Variants in WDR35 observed in about 807,000 individuals in gnomAD.
WDR35 encodes WD repeat domain 35.
In WDR35, 118 loss-of-function variants were observed where a neutral mutation model predicts 158.3. That is an observed-to-expected ratio of 0.75 (90% CI 0.64 to 0.87). The LOEUF (loss-of-function observed/expected upper bound fraction) is 0.87, where lower values mean the gene tolerates loss of function less well. WDR35 is among the 40% of genes least tolerant of loss of function. The pLI is 0.00. For synonymous variants in WDR35, 448 were observed against 476.1 expected (o/e 0.94, Z 0.77); for missense variants, 1,263 against 1,405.8 (o/e 0.90, Z 1.62).
intron 25 of WDR35, among the ~76,000 whole-genome samples, chr2:19,924,293 A>G (rs1391245545): frequency 6.6e-6 from 1 of 152,152 alleles, no homozygotes. Flanking sequence ...GGCCGGGTGC[A>G]GTGGCTCATG....
intron 11 of WDR35, among the ~76,000 whole-genome samples, chr2:19,956,331 T>C (rs1671430662): frequency 6.6e-6 from 1 of 152,230 alleles, no homozygotes; most frequent in Non-Finnish European, 1.5e-5. Flanking sequence ...TGATAGATCC[T>C]AAATACTCAC....
Position 19,962,444 on chromosome 2 carries a change from T to C in WDR35, c.1195-1830A>G, listed in dbSNP as rs2103438358. On this transcript the variant is annotated intron_variant, in intron 10 of 26. Transcript: ENST00000281405. ...TACAAATAATCATCAATGACCAATA[T>C]TAGGAAAATAATCAAACGTAATGCA... 19 of 964,430 alleles carry C rather than the reference T, an allele frequency of 2.0e-5. 1 individual carries two copies. In the South Asian group the frequency reaches 2.4e-4, roughly 12 times the overall value. The allele number at this position is 964,430 out of a possible 1,614,324, so 59.7% of individuals were successfully genotyped here. A position where few individuals can be genotyped will look rare whatever the true frequency, so the allele number is the denominator to read the frequency against.
chr2:19,985,183 A>G (rs1672514332), intron 2 of WDR35, among the ~76,000 whole-genome samples: 1 of 152,172 alleles, frequency 6.6e-6, no homozygotes, highest in African/African-American at 2.4e-5. Context: ...GTTGGCTTCC[A>G]GGGCTCTCTA....
rs1670746088 is a variant in WDR35, at chr2:19,937,767, C to G, written c.2243G>C (p.Arg748Thr). ...CCTTCTGTCCATCTCGAGATACGTT[C>G]TTTCAGCCTCTTCAAACCTGCCGAA... ...GYFGRFEEAERTYLEMDRRDL... is the reference protein window; with the variant it reads ...GYFGRFEEAETTYLEMDRRDL... Residue 748 changes from arginine (R) to threonine (T), a missense_variant, in exon 19 of 27, where the codon AGA (arginine) becomes ACA (threonine). Coordinates refer to ENST00000281405, the MANE Select transcript of WDR35 (RefSeq NM_020779.4). 1 of 1,614,148 alleles carries G rather than the reference C, an allele frequency of 6.2e-7. No homozygotes were observed. The highest frequency in any genetic ancestry group is 1.3e-5 in the African/African-American group (1 of 75,048).
rs1005361605 is a variant in WDR35, at chr2:19,913,197, C to G, written c.*361G>C. 1 of 174,684 alleles carries G rather than the reference C, an allele frequency of 5.7e-6. No individual in the cohort carries two copies. Among genetic ancestry groups the G allele is most frequent in the African/African-American group, 2.4e-5 (1 of 41,940 alleles). The allele number at this position is 174,684 out of a possible 1,614,324, so 10.8% of individuals were successfully genotyped here. A position where few individuals can be genotyped will look rare whatever the true frequency, so the allele number is the denominator to read the frequency against. On this transcript the variant is annotated 3_prime_UTR_variant, in exon 27 of 27. Transcript: ENST00000281405. Reference sequence around the variant, plus strand: ...CTTTGCCCCACTCCCATGCTTCCCCCACTCCCTACTCCCTTCAAGATTTTT... The same window carrying G: ...CTTTGCCCCACTCCCATGCTTCCCCGACTCCCTACTCCCTTCAAGATTTTT...
intron 11 of WDR35, among the ~76,000 whole-genome samples, chr2:19,956,054 T>C (rs1671418612): frequency 6.6e-6 from 1 of 152,190 alleles, no homozygotes; most frequent in Non-Finnish European, 1.5e-5. Context: ...CAGCAAAGCC[T>C]CCAGGGTGCG....
At chr2:19,940,725 T>C (rs998218560) in intron 17 of WDR35, among the ~76,000 whole-genome samples, 5 of 152,128 alleles carry the variant, frequency 3.3e-5, no homozygotes, top group Non-Finnish European at 5.9e-5. Context: ...TAAGCCCCTA[T>C]CCATTAAAAG....
chr2:19,936,480 G>A (rs944135463), intron 19 of WDR35, 115 bp from the exon 20 acceptor site: 2 of 1,470,092 alleles, frequency 1.4e-6, no homozygotes, highest in African/African-American at 2.8e-5. Flanking sequence ...TGGACAATGT[G>A]ACTCTCCAAA....
At chr2:19,940,739 C>T (rs954822289) in intron 17 of WDR35, among the ~76,000 whole-genome samples, 1 of 152,156 alleles carries the variant, frequency 6.6e-6, no homozygotes, top group Non-Finnish European at 1.5e-5. Flanking sequence ...TTAAAAGCCT[C>T]ACCCCAGACC....
chr2:19,942,983 G>A (rs10208878), intron 16 of WDR35, among the ~76,000 whole-genome samples: 15,924 of 151,982 alleles, frequency 0.1, 922 homozygotes, highest in South Asian at 0.2. Flanking sequence ...CATAATATGT[G>A]CCATATAATG....
At chr2:19,918,586 G>T (rs1246660715) in intron 25 of WDR35, among the ~76,000 whole-genome samples, 1 of 152,058 alleles carries the variant, frequency 6.6e-6, no homozygotes, top group Non-Finnish European at 1.5e-5. Flanking sequence ...AAAAAAAGCA[G>T]GGGTTGCAAT....
At position 19,969,998 on chromosome 2, in the gene WDR35, C is replaced by T. The variant is rs185043230; in HGVS notation, c.883-393G>A. Among the ~76,000 whole-genome samples, 398 of 152,206 alleles carry T rather than the reference C, an allele frequency of 2.6e-3. 5 individuals carry two copies. The highest frequency in any genetic ancestry group is 1.2e-3 in the Non-Finnish European group (84 of 68,010). ...TCCTGACTTCATGATCTGCCTGCCT[C>T]GGCCTCCCAAACTGCTGGGATTACA... On this transcript the variant is annotated intron_variant, in intron 8 of 26. Transcript: ENST00000281405.
chr2:19,918,503 G>A (rs1474724712), intron 25 of WDR35, among the ~76,000 whole-genome samples: 1 of 152,062 alleles, frequency 6.6e-6, no homozygotes, highest in East Asian at 1.9e-4. Context: ...CATCTCACGG[G>A]CAAAGACATA....
At position 19,934,401 on chromosome 2, in the gene WDR35, G is replaced by A. The variant is rs1363975345; in HGVS notation, c.2548-890C>T. 6.6e-6 allele frequency among the ~76,000 whole-genome samples: 1 copy of A among 151,904 alleles called. No individual in the cohort carries two copies. The highest frequency in any genetic ancestry group is 1.9e-4 in the East Asian group (1 of 5,200). On this transcript the variant is annotated intron_variant, in intron 21 of 26. Transcript: ENST00000281405. This position sits in a 1 kb window ranked among gnomAD's most constrained non-coding sequence, Gnocchi z 4.6. Reference sequence around the variant, plus strand: ...TTTGAATATATATGTATATGTTTGTGTTGTACACAATCACACAATACACAA... The same window carrying A: ...TTTGAATATATATGTATATGTTTGTATTGTACACAATCACACAATACACAA...
chr2:19,969,955 G>A (rs577663357), intron 8 of WDR35, among the ~76,000 whole-genome samples: 77 of 152,174 alleles, frequency 5.1e-4, no homozygotes, highest in South Asian at 1.5e-3. Context: ...CACTGTGTTA[G>A]CCAGGATGGT....
chr2:19,925,051 C>T (rs1439626350), intron 25 of WDR35, among the ~76,000 whole-genome samples: 3 of 152,104 alleles, frequency 2.0e-5, no homozygotes, highest in Non-Finnish European at 4.4e-5. Flanking sequence ...AGGCCATTCC[C>T]TCACCCCTGT....
At chr2:19,975,687 T>C in intron 5 of WDR35, 24 bp from the exon 6 acceptor site, 1 of 1,613,822 alleles carries the variant, frequency 6.2e-7, no homozygotes, top group South Asian at 1.1e-5. Context: ...TTATTAAAAG[T>C]TGTTCAAGGT....
At chr2:19,922,903 G>T (rs765997464) in intron 25 of WDR35, among the ~76,000 whole-genome samples, 4 of 152,138 alleles carry the variant, frequency 2.6e-5, no homozygotes, top group Admixed American at 6.5e-5. Context: ...CACCTGGCCC[G>T]CCCAGGGCAG....
In WDR35 at chr2:19,969,904, C is replaced by T. The variant is rs562767522; in HGVS notation, c.883-299G>A. 5.3e-5 allele frequency among the ~76,000 whole-genome samples: 8 copies of T among 152,144 alleles called. No individual in the cohort carries two copies. The South Asian group carries it at 8.3e-4, about 16-fold the overall frequency. ...CTGGGACTACAGGCGCCCGCCACCA[C>T]GCCAAGCTAATTTTTTGTATTTTTA... On this transcript the variant is annotated intron_variant, in intron 8 of 26. Coordinates refer to ENST00000281405, the MANE Select transcript of WDR35 (RefSeq NM_020779.4).
Sources: allele counts gnomAD v4.1 joint callset (sites outside exome capture counted in the v4.1 genomes callset), GRCh38; gene constraint gnomAD v4.1.1; non-coding constraint Gnocchi (gnomAD v3.1); transcripts MANE v1.5; gene names NCBI Gene and HGNC (gene_info 2026-07-23, HGNC 2026-07-21).